The following ZNG1B variants were observed in gnomAD, a reference collection of about 807,000 sequenced individuals.
ZNG1B encodes zinc-regulated GTPase metalloprotein activator 1B.
At chr2:113,479,832 T>TC in the ZNG1B span, among the ~76,000 whole-genome samples, 21 of 149,482 alleles carry the variant, frequency 1.4e-4, 1 homozygote, top group South Asian at 4.2e-3. Context: ...TTTTTTTTTT[T>TC]CCCCTTGGAG....
chr2:113,479,128 A>G, the ZNG1B span, among the ~76,000 whole-genome samples: 2 of 146,988 alleles, frequency 1.4e-5, no homozygotes, highest in Non-Finnish European at 3.0e-5. Context: ...CCTGAATTAC[A>G]TGTGAGTTAT....
the ZNG1B span, chr2:113,457,345 T>C: frequency 2.9e-6 from 1 of 350,358 alleles, no homozygotes; most frequent in Non-Finnish European, 5.6e-6. Flanking sequence ...AAAACTAAAA[T>C]AGTGTTACAT....
the ZNG1B span, among the ~76,000 whole-genome samples, chr2:113,448,684 A>C: frequency 0.012 from 1,651 of 138,364 alleles, no homozygotes; most frequent in African/African-American, 0.035. Context: ...GTGGGCAGAT[A>C]ACGAGTTCAG....
At chr2:113,439,156 C>G in the ZNG1B span, 1 of 1,335,274 alleles carries the variant, frequency 7.5e-7, no homozygotes, top group Admixed American at 2.4e-5. Context: ...ATCTGAAGCT[C>G]AGGAGTGAGA....
chr2:113,478,896 CT>C, the ZNG1B span, among the ~76,000 whole-genome samples: 1 of 150,548 alleles, frequency 6.6e-6, no homozygotes, highest in Non-Finnish European at 1.5e-5. Context: ...AGTTTGGAAA[CT>C]GAAGCTCAGA....
the ZNG1B span, among the ~76,000 whole-genome samples, chr2:113,452,862 G>A: frequency 1.2e-4 from 18 of 147,834 alleles, no homozygotes; most frequent in Non-Finnish European, 1.9e-4. Flanking sequence ...TTATGGCATC[G>A]GTAGAAGAAT....
the ZNG1B span, among the ~76,000 whole-genome samples, chr2:113,463,377 C>T: frequency 6.6e-5 from 10 of 152,080 alleles, no homozygotes; most frequent in African/African-American, 2.4e-4. Context: ...ATAAGTTCTA[C>T]TGACATTAGA....
chr2:113,458,846 CA>C, the ZNG1B span, among the ~76,000 whole-genome samples: 1 of 135,838 alleles, frequency 7.4e-6, no homozygotes. Context: ...GATGCCTTGC[CA>C]AAAATATATC....
the ZNG1B span, among the ~76,000 whole-genome samples, chr2:113,471,333 A>G: frequency 6.6e-6 from 1 of 152,226 alleles, no homozygotes; most frequent in African/African-American, 2.4e-5. Context: ...AATCGTTAAC[A>G]CTTCTACACC....
the ZNG1B span, among the ~76,000 whole-genome samples, chr2:113,453,854 G>A: frequency 6.6e-6 from 1 of 150,394 alleles, no homozygotes; most frequent in Non-Finnish European, 1.5e-5. Context: ...CAGGCAATAT[G>A]AGGATCATAT....
chr2:113,456,978 G>A, the ZNG1B span: 1 of 454,136 alleles, frequency 2.2e-6, no homozygotes, highest in South Asian at 1.6e-5. Context: ...CAGCCAAATT[G>A]AAACTGAAGT....
chr2:113,462,735 C>G, the ZNG1B span: 1 of 525,654 alleles, frequency 1.9e-6, no homozygotes, highest in Non-Finnish European at 3.3e-6. Context: ...GGTCTTCGCA[C>G]TCCATCTTTC....
chr2:113,460,651 A>G, the ZNG1B span: 2 of 1,592,860 alleles, frequency 1.3e-6, no homozygotes, highest in Middle Eastern at 2.3e-4. Flanking sequence ...TAGTAACTTT[A>G]TTCAAACTTT....
At chr2:113,457,565 C>T in the ZNG1B span, among the ~76,000 whole-genome samples, 1 of 149,194 alleles carries the variant, frequency 6.7e-6, no homozygotes, top group Non-Finnish European at 1.5e-5. Flanking sequence ...CACCCTATAG[C>T]CCTTCATGAA....
chr2:113,450,306 G>A, the ZNG1B span, among the ~76,000 whole-genome samples: 4 of 140,998 alleles, frequency 2.8e-5, no homozygotes, highest in Admixed American at 1.5e-4. Flanking sequence ...TTTGTTGTTC[G>A]TATGTATTCT....
the ZNG1B span, chr2:113,445,504 T>G: frequency 6.1e-6 from 1 of 164,396 alleles, no homozygotes; most frequent in Non-Finnish European, 1.3e-5. Flanking sequence ...CCATATACTT[T>G]AAATCATCTG....
the ZNG1B span, chr2:113,439,093 C>A: frequency 6.5e-7 from 1 of 1,540,760 alleles, no homozygotes; most frequent in Non-Finnish European, 8.8e-7. Context: ...ACGTGCCGCT[C>A]GGGCCTTTCC....
At chr2:113,442,632 A>G in the ZNG1B span, among the ~76,000 whole-genome samples, 1 of 151,998 alleles carries the variant, frequency 6.6e-6, no homozygotes, top group Non-Finnish European at 1.5e-5. Context: ...TTTTTCCTGG[A>G]TCATTTTCGC....
the ZNG1B span, among the ~76,000 whole-genome samples, chr2:113,451,112 T>C: frequency 2.6e-5 from 4 of 152,268 alleles, no homozygotes; most frequent in Admixed American, 6.5e-5. Flanking sequence ...AAACTCACTC[T>C]TGAAATTTTT....
Sources: allele counts gnomAD v4.1 joint callset (sites outside exome capture counted in the v4.1 genomes callset), GRCh38; gene constraint gnomAD v4.1.1; transcripts MANE v1.5; gene names NCBI Gene and HGNC (gene_info 2026-07-23, HGNC 2026-07-21).